Variants in RBFA observed in about 807,000 individuals in gnomAD.
RBFA encodes the protein putative ribosome-binding factor A, mitochondrial.
RBFA carries 16 observed loss-of-function variants against 27.9 expected under a neutral mutation model. The ratio of observed to expected loss-of-function variants is 0.57; its 90% CI spans 0.39 to 0.87. The LOEUF is 0.87. Ranked by LOEUF, RBFA falls within the 40% of genes least tolerant of loss-of-function variation. The pLI, the probability that RBFA is intolerant of heterozygous loss-of-function variation, is 0.00. For synonymous variants in RBFA, 181 were observed against 181.0 expected, an observed-to-expected ratio of 1.00 and a Z score of 0.00; for missense variants, 456 against 432.1, an observed-to-expected ratio of 1.06 and a Z score of -0.49.
Position 80,046,242 on chromosome 18 carries a change from G to C in RBFA, c.*87G>C. 3 of 1,413,166 alleles carry C rather than the reference G, an allele frequency of 2.1e-6. No homozygotes were observed. The highest frequency in any genetic ancestry group is 2.9e-6 in the Non-Finnish European group (3 of 1,045,804). 87.5% of individuals were successfully genotyped at this position (1,413,166 alleles called of 1,614,324 possible). A position where few individuals can be genotyped will look rare whatever the true frequency, so the allele number is the denominator to read the frequency against. On this transcript the variant is annotated 3_prime_UTR_variant, in exon 7 of 7. Transcript: ENST00000306735. ...TGGCTTCATTGAGGCAGTTGATGGA[G>C]TTAAACCATCTGCTCTTCTGCTACT...
At chr18:80,042,046 T>G (rs950738614) in intron 4 of RBFA, 89 bp from the exon 5 acceptor site, 25 of 955,264 alleles carry the variant, frequency 2.6e-5, no homozygotes, top group Non-Finnish European at 7.6e-6. Flanking sequence ...GCCTCTTGGT[T>G]ACATCTTGAA....
chr18:80,035,822 G>T (rs1399369423), intron 1 of RBFA: 2 of 152,148 alleles, frequency 1.3e-5, no homozygotes, highest in Non-Finnish European at 2.9e-5. Context: ...ACTTAGTTTT[G>T]TTCGAATGTT....
chr18:80,039,746 T>A (rs2052004403), intron 4 of RBFA, among the ~76,000 whole-genome samples: 1 of 152,190 alleles, frequency 6.6e-6, no homozygotes, highest in Admixed American at 6.5e-5. Flanking sequence ...GCTTTTAAAA[T>A]CTGCATAACT....
Position 80,049,052 on chromosome 18 carries a change from A to G in RBFA, c.*2897A>G, listed in dbSNP as rs1365548331. On this transcript the variant is annotated 3_prime_UTR_variant, in exon 7 of 7. Coordinates refer to ENST00000306735, the MANE Select transcript of RBFA (RefSeq NM_024805.3). ...AGGAGTGTGGGCACGTTTCAGAGAA[A>G]ACTGGCTTAGGCCTCCCTGTTTCTG... 6.6e-6 allele frequency among the ~76,000 whole-genome samples: 1 copy of G among 152,244 alleles called. No homozygotes were observed. Among genetic ancestry groups the G allele is most frequent in the South Asian group, 2.1e-4 (1 of 4,838 alleles).
intron 5 of RBFA, among the ~76,000 whole-genome samples, chr18:80,042,911 T>G (rs1277516595): frequency 6.6e-6 from 1 of 152,098 alleles, no homozygotes; most frequent in Non-Finnish European, 1.5e-5. Flanking sequence ...CTGGTTTTAA[T>G]TTTTTTATGC....
chr18:80,040,293 A>C (rs574419482), intron 4 of RBFA, among the ~76,000 whole-genome samples: 5 of 114,014 alleles, frequency 4.4e-5, no homozygotes, highest in African/African-American at 1.7e-4. Flanking sequence ...TCTGTCTCCC[A>C]GGCTGGAGTG....
intron 4 of RBFA, among the ~76,000 whole-genome samples, chr18:80,040,239 A>ATTTTTTTTTT (rs71338083): frequency 0.01 from 925 of 91,178 alleles, 41 homozygotes; most frequent in East Asian, 0.045. Context: ...GGAGGCCTGA[A>ATTTTTTTTTT]TTTTTTTTTT....
rs943780374 is a variant in RBFA, at chr18:80,050,248, G to A, written c.*4093G>A. 6.6e-6 allele frequency among the ~76,000 whole-genome samples: 1 copy of A among 152,184 alleles called. No individual in the cohort carries two copies. The highest frequency in any genetic ancestry group is 1.5e-5 in the Non-Finnish European group (1 of 68,036). ...TGTGCCACCCAGGCCAGGGTAAGGG[G>A]AGCAGAGACCTTTTGGTTCCTGGTT... On this transcript the variant is annotated 3_prime_UTR_variant, in exon 7 of 7. Coordinates refer to ENST00000306735, the MANE Select transcript of RBFA (RefSeq NM_024805.3).
At chr18:80,036,352 G>T (rs752826444) in intron 1 of RBFA, among the ~76,000 whole-genome samples, 1 of 152,062 alleles carries the variant, frequency 6.6e-6, no homozygotes, top group African/African-American at 2.4e-5. Context: ...GAACTTCCAT[G>T]GGAAACATCT....
intron 1 of RBFA, 47 bp downstream of exon 1, chr18:80,034,700 G>A (rs756185239): frequency 1.3e-6 from 2 of 1,588,570 alleles, no homozygotes; most frequent in Admixed American, 1.8e-5. Flanking sequence ...TCCCTAGGGG[G>A]CGGTGTCCCC....
At position 80,040,239 on chromosome 18, in the gene RBFA, A is replaced by ATTTTTTTTTTTTTTTTT. The variant is rs71338083; in HGVS notation, c.491+1625_491+1641dup. ...TCCAACACATAACTGGGAGGCCTGA[A>ATTTTTTTTTTTTTTTTT]TTTTTTTTTTTTTTTTTTTGCTTTT... On this transcript the variant is annotated intron_variant, in intron 4 of 6. Coordinates refer to ENST00000306735, the MANE Select transcript of RBFA (RefSeq NM_024805.3). Among the ~76,000 whole-genome samples, 839 of 91,396 alleles carry ATTTTTTTTTTTTTTTTT rather than the reference A, an allele frequency of 9.2e-3. 5 individuals are homozygous for ATTTTTTTTTTTTTTTTT. The highest frequency in any genetic ancestry group is 0.012 in the Non-Finnish European group (629 of 50,986). 60.0% of individuals were successfully genotyped at this position (91,396 alleles called of 152,430 possible).
chr18:80,048,357 G>A lies in RBFA; in HGVS notation c.*2202G>A, dbSNP rs971278276. 6.6e-6 allele frequency among the ~76,000 whole-genome samples: 1 copy of A among 152,148 alleles called. No individual in the cohort carries two copies. Among genetic ancestry groups the A allele is most frequent in the Non-Finnish European group, 1.5e-5 (1 of 68,022 alleles). On this transcript the variant is annotated 3_prime_UTR_variant, in exon 7 of 7. Transcript: ENST00000306735. Reference sequence around the variant, plus strand: ...AACCTGCCCCCCGCCCCCTAACTTGGGAAAGGTGTTAAAGAAGGAGAGAAC... The same window carrying A: ...AACCTGCCCCCCGCCCCCTAACTTGAGAAAGGTGTTAAAGAAGGAGAGAAC...
intron 4 of RBFA, 30 bp downstream of exon 4, chr18:80,038,647 G>A (rs1269355443): frequency 1.3e-6 from 2 of 1,520,296 alleles, no homozygotes; most frequent in Non-Finnish European, 9.1e-7. Flanking sequence ...GAATGTACTT[G>A]CTTTTTGCTC....
chr18:80,034,776 C>T, intron 1 of RBFA, 123 bp downstream of exon 1: 2 of 1,233,386 alleles, frequency 1.6e-6, no homozygotes, highest in Non-Finnish European at 2.3e-6. Context: ...TTCCTGCCTC[C>T]TGGGGTCTGC....
intron 4 of RBFA, among the ~76,000 whole-genome samples, chr18:80,039,886 T>C (rs190744297): frequency 6.6e-6 from 1 of 152,158 alleles, no homozygotes; most frequent in African/African-American, 2.4e-5. Flanking sequence ...TTGGGTGTGG[T>C]TTCAGATTCC....
At chr18:80,036,761 A>G (rs756577057) in intron 2 of RBFA, 51 bp downstream of exon 2, 1 of 1,399,206 alleles carries the variant, frequency 7.1e-7, no homozygotes, top group Non-Finnish European at 1.0e-6. Context: ...GTGAGGGTTT[A>G]AAAGTTGGCA....
At chr18:80,043,686 A>G (rs893754824) in intron 5 of RBFA, among the ~76,000 whole-genome samples, 2 of 152,128 alleles carry the variant, frequency 1.3e-5, no homozygotes, top group Non-Finnish European at 2.9e-5. Context: ...GGTGGAATGC[A>G]TTGTCCAGCA....
Position 80,049,104 on chromosome 18 carries a change from G to A in RBFA, c.*2949G>A, listed in dbSNP as rs533886384. ...CGTGGCCTTCCCTGGGAGCGAGTTA[G>A]GGACACGGAAGCTCACCCGCTTCTG... On this transcript the variant is annotated 3_prime_UTR_variant, in exon 7 of 7. Transcript: ENST00000306735. 9.2e-5 allele frequency among the ~76,000 whole-genome samples: 14 copies of A among 152,296 alleles called. No homozygotes were observed. The South Asian group carries it at 2.7e-3, about 29-fold the overall frequency.
rs1311201112 is a variant in RBFA at position 80,038,501 on chromosome 18, T to C, written c.379-4T>C. ...AAGTGACCTGTGGAGGGGCGGGGTC[T>C]CAGGTTTCCCTGACTCCAGACTTCT... On this transcript the variant is annotated splice_polypyrimidine_tract_variant and splice_region_variant and intron_variant, in intron 3 of 6. Transcript: ENST00000306735. 1.2e-6 allele frequency: 2 copies of C among 1,604,878 alleles called. No individual in the cohort carries two copies. The highest frequency in any genetic ancestry group is 1.7e-6 in the Non-Finnish European group (2 of 1,173,922).
Sources: gnomAD v4.1 joint callset for allele counts (sites outside exome capture counted in the v4.1 genomes callset) on GRCh38, gnomAD v4.1.1 for gene constraint, MANE v1.5 for transcripts, NCBI Gene and HGNC (gene_info 2026-07-23, HGNC 2026-07-21) for gene names.